The following NSUN3 variants were observed in gnomAD, a reference collection of about 807,000 sequenced individuals.
The protein encoded by NSUN3 is tRNA (cytosine(34)-C(5))-methyltransferase, mitochondrial.
NSUN3 carries 24 observed loss-of-function variants against 36.8 expected under a neutral mutation model. The observed-to-expected ratio is 0.65, with a 90% CI of 0.47 to 0.92. The LOEUF is 0.92. NSUN3 is among the 40% of genes least tolerant of loss of function. NSUN3 has a pLI of 0.00. For missense variants in NSUN3, 381 were observed against 392.8 expected, an observed-to-expected ratio of 0.97 and a Z score of 0.25; for synonymous variants, 146 against 145.2, an observed-to-expected ratio of 1.01 and a Z score of -0.04.
At chr3:94,073,997 C>T (rs1227435841) in intron 2 of NSUN3, among the ~76,000 whole-genome samples, 3 of 152,098 alleles carry the variant, frequency 2.0e-5, no homozygotes, top group African/African-American at 4.8e-5. Flanking sequence ...GGAAGGGGTC[C>T]AGTTTCAGTT....
chr3:94,109,413 G>T (rs1361181151), intron 5 of NSUN3, among the ~76,000 whole-genome samples: 3 of 152,164 alleles, frequency 2.0e-5, no homozygotes, highest in Admixed American at 2.0e-4. Context: ...CTCCACAAAT[G>T]ATATAAGAGA....
intron 2 of NSUN3, among the ~76,000 whole-genome samples, chr3:94,068,330 G>T (rs1298796308): frequency 6.6e-6 from 1 of 152,050 alleles, no homozygotes; most frequent in Non-Finnish European, 1.5e-5. Context: ...AATTAGTTTT[G>T]CCCTTCGTGT....
chr3:94,085,396 A>G (rs1010317526), intron 3 of NSUN3: 3 of 152,172 alleles, frequency 2.0e-5, no homozygotes, highest in East Asian at 3.9e-4. Context: ...TTCAGCATCA[A>G]TTCTGTCTGT....
intron 5 of NSUN3, among the ~76,000 whole-genome samples, chr3:94,120,729 A>G (rs11925167): frequency 0.023 from 3,494 of 152,240 alleles, 129 homozygotes; most frequent in African/African-American, 0.08. Flanking sequence ...TAATGCTACT[A>G]TGAACATGGG....
At chr3:94,082,453 C>G (rs549399630) in intron 2 of NSUN3, among the ~76,000 whole-genome samples, 112 of 152,256 alleles carry the variant, frequency 7.4e-4, no homozygotes, top group African/African-American at 2.6e-3. Context: ...ATAGCTGAAA[C>G]AGATACGCCA....
At chr3:94,115,829 T>C (rs2077437699) in intron 5 of NSUN3, among the ~76,000 whole-genome samples, 1 of 152,176 alleles carries the variant, frequency 6.6e-6, no homozygotes. Flanking sequence ...GAATTTATAT[T>C]TTTAAAAAAG....
At chr3:94,093,139 T>C (rs1470803271) in intron 3 of NSUN3, among the ~76,000 whole-genome samples, 1 of 151,694 alleles carries the variant, frequency 6.6e-6, no homozygotes, top group Non-Finnish European at 1.5e-5. Flanking sequence ...CTGGCTATTA[T>C]GGACCTTGAT....
chr3:94,116,609 T>C (rs1032316555), intron 5 of NSUN3, among the ~76,000 whole-genome samples: 8 of 149,148 alleles, frequency 5.4e-5, no homozygotes, highest in Non-Finnish European at 8.8e-5. Context: ...ATTGGATAAC[T>C]AACTATGTGG....
chr3:94,128,484 A>G lies in NSUN3; in HGVS notation c.*1994A>G, dbSNP rs1312194448. ...GTCGGTATTTTCCCAGTATAATGCG[A>G]TGAAGCTTAATCTGAATACTTGGTA... On this transcript the variant is annotated 3_prime_UTR_variant, in exon 6 of 6. Transcript: ENST00000314622. The G allele has an allele frequency of 6.6e-6, 1 of 151,620 alleles. No individual in the cohort carries two copies. Among genetic ancestry groups the G allele is most frequent in the Non-Finnish European group, 1.5e-5 (1 of 67,952 alleles). The allele number at this position is 151,620 out of a possible 1,614,324, so 9.4% of individuals were successfully genotyped here. A position where few individuals can be genotyped will look rare whatever the true frequency, so the allele number is the denominator to read the frequency against.
intron 2 of NSUN3, among the ~76,000 whole-genome samples, chr3:94,080,066 A>T (rs537474167): frequency 7.5e-4 from 114 of 152,192 alleles, no homozygotes; most frequent in African/African-American, 2.7e-3. Context: ...CTTTGTGGAT[A>T]TATCCCCTTT....
intron 2 of NSUN3, among the ~76,000 whole-genome samples, chr3:94,083,603 A>T (rs2077280134): frequency 2.0e-5 from 3 of 152,210 alleles, no homozygotes; most frequent in Admixed American, 2.0e-4. Flanking sequence ...ACAAAGTTCC[A>T]CTTCTATGCA....
intron 5 of NSUN3, among the ~76,000 whole-genome samples, chr3:94,108,853 C>T (rs935054942): frequency 5.9e-5 from 9 of 151,864 alleles, no homozygotes; most frequent in Non-Finnish European, 1.0e-4. Flanking sequence ...TTAGTAGAGA[C>T]GGGGTTTCAC....
At chr3:94,086,301 G>T (rs560634243) in intron 3 of NSUN3, among the ~76,000 whole-genome samples, 113 of 152,244 alleles carry the variant, frequency 7.4e-4, no homozygotes, top group African/African-American at 2.7e-3. Flanking sequence ...TGGAGGTTTC[G>T]ATACCCTGGC....
At chr3:94,123,767 C>T (rs1176516488) in intron 5 of NSUN3, among the ~76,000 whole-genome samples, 1 of 152,116 alleles carries the variant, frequency 6.6e-6, no homozygotes, top group Non-Finnish European at 1.5e-5. Context: ...GAATGCTCTT[C>T]TCTCAGATAT....
intron 5 of NSUN3, among the ~76,000 whole-genome samples, chr3:94,122,077 G>A (rs2077464991): frequency 6.6e-6 from 1 of 151,166 alleles, no homozygotes; most frequent in African/African-American, 2.4e-5. Context: ...CTGGAGAGGT[G>A]GAGGTTGCAG....
intron 5 of NSUN3, among the ~76,000 whole-genome samples, chr3:94,115,254 T>G (rs1186613609): frequency 6.6e-6 from 1 of 152,220 alleles, no homozygotes; most frequent in East Asian, 1.9e-4. Flanking sequence ...AGGATCGATG[T>G]TCCTATGCTT....
In NSUN3 at chr3:94,076,488, C is replaced by T; in HGVS notation, c.123-7619C>T. 3.8e-6 allele frequency: 3 copies of T among 786,532 alleles called. No individual in the cohort carries two copies. The South Asian group carries it at 4.0e-5, about 11-fold the overall frequency. The allele number at this position is 786,532 out of a possible 1,614,324, so 48.7% of individuals were successfully genotyped here. ...TGGAACAGATGCCAGGAAACATCTT[C>T]TACTACTACTGTATGCCCTGTAAAG... On this transcript the variant is annotated intron_variant, in intron 2 of 5. Transcript: ENST00000314622.
intron 5 of NSUN3, among the ~76,000 whole-genome samples, chr3:94,104,060 A>G (rs978458810): frequency 1.3e-5 from 2 of 152,222 alleles, no homozygotes; most frequent in African/African-American, 4.8e-5. Context: ...GTTCCTGGTT[A>G]GGATTGCCTA....
At chr3:94,099,319 CCAGATAGGCACCT>C (rs1682152200) in intron 5 of NSUN3, among the ~76,000 whole-genome samples, 1 of 152,050 alleles carries the variant, frequency 6.6e-6, no homozygotes, top group Non-Finnish European at 1.5e-5. Context: ...TGCATAAACC[CCAGATAGGCACCT>C]TCTTATGTCC....
Sources: allele counts gnomAD v4.1 joint callset (sites outside exome capture counted in the v4.1 genomes callset), GRCh38; gene constraint gnomAD v4.1.1; transcripts MANE v1.5; gene names NCBI Gene and HGNC (gene_info 2026-07-23, HGNC 2026-07-21).